RCAN1: variants seen among roughly 807,000 people sequenced by gnomAD.
The protein encoded by RCAN1 is regulator of calcineurin 1.
In RCAN1, 11 loss-of-function variants were observed where a neutral mutation model predicts 22.9. The ratio of observed to expected loss-of-function variants is 0.48; its 90% CI spans 0.30 to 0.79. The LOEUF (loss-of-function observed/expected upper bound fraction) is 0.79. Among genes scored for constraint, RCAN1 ranks in the 30% least tolerant of loss-of-function variants. The probability of loss-of-function intolerance (pLI) is 0.06; values close to 1 mark genes in which losing one functional copy is unlikely to be tolerated. For synonymous variants in RCAN1, 136 were observed against 142.3 expected, an observed-to-expected ratio of 0.96 and a Z score of 0.32; for missense variants, 291 against 337.8, an observed-to-expected ratio of 0.86 and a Z score of 1.09.
intron 1 of RCAN1, among the ~76,000 whole-genome samples, chr21:34,563,625 A>G (rs1986873895): frequency 2.0e-5 from 3 of 151,568 alleles, no homozygotes; most frequent in South Asian, 4.2e-4. Flanking sequence ...GAACTGCCCA[A>G]TGGCCAGGCA....
chr21:34,605,429 C>T (rs563015118), intron 1 of RCAN1, among the ~76,000 whole-genome samples: 10 of 152,210 alleles, frequency 6.6e-5, no homozygotes, highest in African/African-American at 7.2e-5. Flanking sequence ...TTATATATAT[C>T]GATCTATCCT....
chr21:34,552,213 GTA>G (rs907715273), intron 1 of RCAN1, among the ~76,000 whole-genome samples: 3 of 152,082 alleles, frequency 2.0e-5, no homozygotes, highest in African/African-American at 7.2e-5. Context: ...ATGTTGTTTG[GTA>G]TATAGTGTCC....
intron 1 of RCAN1, among the ~76,000 whole-genome samples, chr21:34,596,205 A>C (rs1163722811): frequency 6.6e-6 from 1 of 152,194 alleles, no homozygotes; most frequent in Non-Finnish European, 1.5e-5. Flanking sequence ...TGCCAGGAAG[A>C]AGCTCAAGTG....
chr21:34,526,465 T>A (rs1985059357), intron 1 of RCAN1, among the ~76,000 whole-genome samples: 1 of 152,172 alleles, frequency 6.6e-6, no homozygotes. Context: ...TGTCAAATAT[T>A]GAGATCTTTA....
chr21:34,521,499 C>T lies in RCAN1; in HGVS notation c.586G>A (p.Gly196Arg). Residue 196 changes from glycine (G) to arginine (R), a missense_variant and splice_region_variant, in exon 3 of 4, where the codon GGG (glycine) becomes AGG (arginine). Physicochemically the swap from Gly to Arg is moderately radical, Grantham distance 125. Coordinates refer to ENST00000313806, the MANE Select transcript of RCAN1 (RefSeq NM_004414.7). ...CCTCCCACCCGAGGGCCCTGCTCAC[C>T]TGGCCCCAGCTTGGAGATGGCATAT... Reference protein sequence around the residue: ...LLYAISKLGPGEKYELHAATD... With the variant: ...LLYAISKLGPREKYELHAATD... 15 of 1,614,200 alleles carry T rather than the reference C, an allele frequency of 9.3e-6. No homozygotes were observed. The highest frequency in any genetic ancestry group is 1.3e-5 in the Non-Finnish European group (15 of 1,180,036).
In RCAN1 at chr21:34,521,534, T is replaced by C; in HGVS notation, c.551A>G (p.Tyr184Cys). The C allele has an allele frequency of 1.2e-6, 2 of 1,614,216 alleles. No individual in the cohort carries two copies. Among genetic ancestry groups the C allele is most frequent in the Non-Finnish European group, 8.5e-7 (1 of 1,180,030 alleles). Residue 184 changes from tyrosine to cysteine, a missense_variant, in exon 3 of 4, where the codon TAT becomes TGT. Transcript: ENST00000313806. ...CTTGGAGATGGCATATAAGAGATCATAGTTTATGACTGGGGTCGCATCTTC... is the reference window on the plus strand; with the variant it reads ...CTTGGAGATGGCATATAAGAGATCACAGTTTATGACTGGGGTCGCATCTTC... ...QVEDATPVIN[Y>C]DLLYAISKLG...
rs1175885282 is a variant in RCAN1 at position 34,521,861 on chromosome 21, A to G, written c.427-203T>C. The G allele has an allele frequency of 8.9e-6, 5 of 561,648 alleles. No individual in the cohort carries two copies. In the Admixed American group the frequency reaches 1.6e-4, roughly 18 times the overall value. The allele number at this position is 561,648 out of a possible 1,614,324, so 34.8% of individuals were successfully genotyped here. On this transcript the variant is annotated intron_variant, in intron 2 of 3. Transcript: ENST00000313806. ...CTCTGGTTGTGGCACAGATAGGATG[A>G]CAGCCCCCTCCCAGGGCTATGGGAG...
intron 3 of RCAN1, chr21:34,521,279 C>T: frequency 6.9e-7 from 1 of 1,445,276 alleles, no homozygotes; most frequent in East Asian, 2.5e-5. Context: ...GATGCAGGGT[C>T]CCCACGATCA....
At chr21:34,521,239 C>T in intron 3 of RCAN1, 2 of 1,429,960 alleles carry the variant, frequency 1.4e-6, no homozygotes, top group East Asian at 2.5e-5. Context: ...GGAATGGATT[C>T]CTGGGACACT....
chr21:34,532,744 C>A (rs1039130987), intron 1 of RCAN1, among the ~76,000 whole-genome samples: 7 of 152,092 alleles, frequency 4.6e-5, no homozygotes, highest in African/African-American at 1.4e-4. Context: ...TACTGAATAG[C>A]CTTTTACATG....
chr21:34,521,721 C>A, intron 2 of RCAN1, 63 bp from the exon 3 acceptor site: 13 of 1,382,666 alleles, frequency 9.4e-6, no homozygotes, highest in Non-Finnish European at 1.2e-5. Context: ...GAGGCAACAG[C>A]ACCTAACGCC....
At chr21:34,582,244 C>T (rs1987637425) in intron 1 of RCAN1, among the ~76,000 whole-genome samples, 1 of 152,162 alleles carries the variant, frequency 6.6e-6, no homozygotes, top group Non-Finnish European at 1.5e-5. Context: ...GTACTGGGCA[C>T]CTAGTGGTAA....
At chr21:34,533,250 G>A (rs374237313) in intron 1 of RCAN1, among the ~76,000 whole-genome samples, 11 of 152,256 alleles carry the variant, frequency 7.2e-5, no homozygotes, top group South Asian at 4.1e-4. Context: ...GTGAGCCACC[G>A]CGCCAGGCCC....
At chr21:34,599,547 T>C (rs1323253386) in intron 1 of RCAN1, among the ~76,000 whole-genome samples, 2 of 152,224 alleles carry the variant, frequency 1.3e-5, no homozygotes, top group East Asian at 1.9e-4. Flanking sequence ...AAATATAGTA[T>C]GCAATCTAAT....
At chr21:34,520,981 G>T in intron 3 of RCAN1, 1 of 769,072 alleles carries the variant, frequency 1.3e-6, no homozygotes, top group Non-Finnish European at 1.6e-6. Context: ...CAGCCCACAG[G>T]CCCTGGGGTA....
chr21:34,614,949 C>T lies in RCAN1; in HGVS notation c.63G>A (p.Glu21=), dbSNP rs1292596444. Residue 21 remains glutamate, a synonymous_variant, in exon 1 of 4, where the codon GAG becomes GAA. Coordinates refer to ENST00000313806, the MANE Select transcript of RCAN1 (RefSeq NM_004414.7). The surrounding 1 kb of genome is among the most constrained non-coding windows in gnomAD (Gnocchi z 6.0). ...GAAAEAAEAA[E]ARARPGVTLR... is the part of the protein sequence containing the mutation. ...GCGTCACCCCGGGCCGCGCTCGCGC[C>T]TCGGCCGCCTCCGCCGCCTCCGCCG... 3.4e-6 allele frequency: 4 copies of T among 1,183,634 alleles called. No homozygotes were observed. The highest frequency in any genetic ancestry group is 1.6e-5 in the African/African-American group (1 of 61,288). The allele number at this position is 1,183,634 out of a possible 1,614,324, so 73.3% of individuals were successfully genotyped here.
chr21:34,526,664 C>T, intron 1 of RCAN1: 1 of 1,612,908 alleles, frequency 6.2e-7, no homozygotes, highest in Non-Finnish European at 8.5e-7. Context: ...AAGCCTTACC[C>T]TGGTTTCACT....
chr21:34,571,007 CAT>C (rs1278940274), intron 1 of RCAN1, among the ~76,000 whole-genome samples: 3 of 151,992 alleles, frequency 2.0e-5, no homozygotes, highest in African/African-American at 7.2e-5. Context: ...ACAAATGAAA[CAT>C]GTGGCCAGGT....
At chr21:34,528,279 A>G (rs1256731931) in intron 1 of RCAN1, among the ~76,000 whole-genome samples, 1 of 152,256 alleles carries the variant, frequency 6.6e-6, no homozygotes, top group Non-Finnish European at 1.5e-5. Context: ...CTTCCAAAAA[A>G]GGAAAAGCAA....
Sources: gnomAD v4.1 joint callset for allele counts (sites outside exome capture counted in the v4.1 genomes callset) on GRCh38, gnomAD v4.1.1 for gene constraint, Gnocchi (gnomAD v3.1) non-coding constraint, MANE v1.5 for transcripts, NCBI Gene and HGNC (gene_info 2026-07-23, HGNC 2026-07-21) for gene names.